Variants in MYO5A observed in about 807,000 individuals in gnomAD.
The protein encoded by MYO5A is unconventional myosin-Va.
In MYO5A, 98 loss-of-function variants were observed where a neutral mutation model predicts 249.7. The observed-to-expected ratio is 0.39, with a 90% CI of 0.33 to 0.46. MYO5A has a LOEUF of 0.46. Among genes scored for constraint, MYO5A ranks in the 20% least tolerant of loss-of-function variants. The probability of loss-of-function intolerance (pLI) is 0.98; values close to 1 mark genes in which losing one functional copy is unlikely to be tolerated. For synonymous variants in MYO5A, 778 were observed against 810.6 expected (o/e 0.96, Z 0.68); for missense variants, 1,696 against 2,308.8 (o/e 0.73, Z 5.44).
At chr15:52,375,611 A>AAATG in intron 19 of MYO5A, 151 bp from the exon 20 acceptor site, 1 of 878,172 alleles carries the variant, frequency 1.1e-6, no homozygotes, top group Non-Finnish European at 1.8e-6. Flanking sequence ...CAACATTTAT[A>AAATG]TTTACTTACA....
At chr15:52,479,920 T>G (rs2076680828) in intron 1 of MYO5A, among the ~76,000 whole-genome samples, 1 of 151,894 alleles carries the variant, frequency 6.6e-6, no homozygotes, top group African/African-American at 2.4e-5. Context: ...CCTTTGCTCT[T>G]CTCCACCAGT....
At chr15:52,364,525 T>TAA (rs760783844) in intron 24 of MYO5A, 29 bp downstream of exon 24, 52 of 1,331,296 alleles carry the variant, frequency 3.9e-5, no homozygotes, top group Middle Eastern at 1.9e-4. Context: ...AATTTTTCAT[T>TAA]AAAAAAAAAA....
intron 36 of MYO5A, 53 bp from the exon 37 acceptor site, chr15:52,323,497 TA>T: frequency 3.9e-5 from 54 of 1,371,180 alleles, no homozygotes; most frequent in Non-Finnish European, 4.8e-5. Flanking sequence ...AATAACAACC[TA>T]AAAAAAATTG....
At chr15:52,372,449 A>G in intron 20 of MYO5A, 86 bp from the exon 21 acceptor site, 1 of 1,542,192 alleles carries the variant, frequency 6.5e-7, no homozygotes. Context: ...AAATCCACAC[A>G]TTACCTAGAG....
At chr15:52,500,116 C>A (rs1384881103) in intron 1 of MYO5A, among the ~76,000 whole-genome samples, 1 of 152,130 alleles carries the variant, frequency 6.6e-6, no homozygotes, top group Non-Finnish European at 1.5e-5. Context: ...ATAGTGGCTG[C>A]ATTTTACATT....
intron 13 of MYO5A, among the ~76,000 whole-genome samples, chr15:52,388,387 G>A (rs139575060): frequency 2.6e-5 from 4 of 152,310 alleles, no homozygotes. Context: ...GGGAAATATT[G>A]TATGATTTGG....
chr15:52,333,805 A>T (rs1003794199), intron 34 of MYO5A, among the ~76,000 whole-genome samples: 2 of 152,226 alleles, frequency 1.3e-5, no homozygotes, highest in Non-Finnish European at 2.9e-5. Flanking sequence ...GTGTTGCAAT[A>T]CATTTAAAGA....
At chr15:52,346,546 G>A (rs924111107) in intron 29 of MYO5A, 85 bp from the exon 30 acceptor site, 1 of 854,572 alleles carries the variant, frequency 1.2e-6, no homozygotes, top group Non-Finnish European at 1.9e-6. Context: ...ATAACTGGGG[G>A]GCAGTGGTTA....
intron 34 of MYO5A, among the ~76,000 whole-genome samples, chr15:52,332,907 G>A (rs904902293): frequency 2.6e-5 from 4 of 152,192 alleles, no homozygotes; most frequent in African/African-American, 9.7e-5. Flanking sequence ...AGAGGTTGCA[G>A]TGAGCCGAGA....
chr15:52,458,350 T>C (rs1401244494), intron 1 of MYO5A, among the ~76,000 whole-genome samples: 2 of 152,098 alleles, frequency 1.3e-5, no homozygotes, highest in East Asian at 3.9e-4. Flanking sequence ...CCGAGGCAAG[T>C]ATATCACTTG....
chr15:52,370,530 T>A, intron 21 of MYO5A, 113 bp from the exon 22 acceptor site: 1 of 1,188,800 alleles, frequency 8.4e-7, no homozygotes, highest in African/African-American at 1.5e-5. Context: ...AACATTGATA[T>A]AGTATCCAAC....
chr15:52,332,826 A>T (rs1018414051), intron 34 of MYO5A, among the ~76,000 whole-genome samples: 16 of 152,122 alleles, frequency 1.1e-4, no homozygotes, highest in African/African-American at 3.9e-4. Flanking sequence ...TTAGCCGGGC[A>T]TGGTGGTACA....
At chr15:52,424,267 G>A (rs1297758133) in intron 4 of MYO5A, among the ~76,000 whole-genome samples, 1 of 152,154 alleles carries the variant, frequency 6.6e-6, no homozygotes, top group Non-Finnish European at 1.5e-5. Context: ...GCTTTGTAGT[G>A]CTAACCTATG....
At chr15:52,460,767 C>G (rs2076233752) in intron 1 of MYO5A, among the ~76,000 whole-genome samples, 1 of 151,562 alleles carries the variant, frequency 6.6e-6, no homozygotes, top group South Asian at 2.1e-4. Flanking sequence ...CCCCCCACCC[C>G]AAAACAAAGA....
intron 1 of MYO5A, among the ~76,000 whole-genome samples, chr15:52,489,228 C>G (rs1480429464): frequency 6.6e-6 from 1 of 152,072 alleles, no homozygotes; most frequent in Non-Finnish European, 1.5e-5. Context: ...GAGCTGACAC[C>G]AGGAGCACAG....
chr15:52,353,575 T>A (rs1170929868), intron 27 of MYO5A, 30 bp downstream of exon 27: 1 of 1,604,738 alleles, frequency 6.2e-7, no homozygotes. Context: ...AACAAAATAT[T>A]CAAAGTCTTG....
chr15:52,393,568 T>A (rs912940134), intron 11 of MYO5A, among the ~76,000 whole-genome samples: 5 of 152,084 alleles, frequency 3.3e-5, no homozygotes, highest in Admixed American at 6.5e-5. Context: ...TAAATTTTTA[T>A]ATTTTTAGTA....
chr15:52,423,087 T>A (rs1449398397), intron 4 of MYO5A, among the ~76,000 whole-genome samples: 1 of 152,042 alleles, frequency 6.6e-6, no homozygotes, highest in African/African-American at 2.4e-5. Context: ...TTAATTTGTA[T>A]CCCCCATGCC....
chr15:52,461,517 A>T lies in MYO5A; in HGVS notation c.28-28232T>A, dbSNP rs1196728985. 2.0e-5 allele frequency among the ~76,000 whole-genome samples: 3 copies of T among 152,230 alleles called. No individual in the cohort carries two copies. The East Asian group carries it at 5.8e-4, about 29-fold the overall frequency. ...GCTTGCCCAAACAAAACAGCATTTC[A>T]CAATAGGAAGTTATTTTGAAGGTGA... On this transcript the variant is annotated intron_variant, in intron 1 of 41. Coordinates refer to ENST00000399233, the MANE Select transcript of MYO5A (RefSeq NM_001382347.1).
Sources: gnomAD v4.1 joint callset for allele counts (sites outside exome capture counted in the v4.1 genomes callset) on GRCh38, gnomAD v4.1.1 for gene constraint, MANE v1.5 for transcripts, NCBI Gene and HGNC (gene_info 2026-07-23, HGNC 2026-07-21) for gene names.